FDFT1: variants seen among roughly 807,000 people sequenced by gnomAD.
FDFT1 encodes farnesyl-diphosphate farnesyltransferase 1.
In FDFT1, 68 loss-of-function variants were observed where a neutral mutation model predicts 46.8. The observed-to-expected ratio is 1.45, with a 90% CI of 1.19 to 1.78. The LOEUF (loss-of-function observed/expected upper bound fraction) is 1.78, where lower values mean the gene tolerates loss of function less well. Among genes scored for constraint, FDFT1 ranks in the 40% most tolerant of loss-of-function variants. FDFT1 has a pLI of 0.00. For missense variants in FDFT1, 928 were observed against 524.4 expected, an observed-to-expected ratio of 1.77 and a Z score of -7.52; for synonymous variants, 351 against 185.1, an observed-to-expected ratio of 1.90 and a Z score of -7.28.
At chr8:11,808,378 G>A in intron 1 of FDFT1, 2 of 1,235,474 alleles carry the variant, frequency 1.6e-6, no homozygotes, top group Non-Finnish European at 2.0e-6. Flanking sequence ...GGGCGGGGCT[G>A]CGGGGCTGCG....
At chr8:11,812,607 G>T (rs1413118119) in intron 3 of FDFT1, among the ~76,000 whole-genome samples, 1 of 152,180 alleles carries the variant, frequency 6.6e-6, no homozygotes, top group Non-Finnish European at 1.5e-5. Context: ...GTTTGTCAGT[G>T]CAGGAGGATA....
At chr8:11,812,886 G>A (rs114153429) in intron 3 of FDFT1, among the ~76,000 whole-genome samples, 1,779 of 152,330 alleles carry the variant, frequency 0.012, 44 homozygotes, top group African/African-American at 0.04. Context: ...TTAGAGTACA[G>A]TCATGCATCA....
chr8:11,799,808 T>C (rs1045707066), upstream of FDFT1, among the ~76,000 whole-genome samples: 2 of 151,906 alleles, frequency 1.3e-5, no homozygotes, highest in South Asian at 4.1e-4. Flanking sequence ...TAGCTGGCCG[T>C]GGTGGTACAT....
chr8:11,809,364 C>G (rs762130722), intron 2 of FDFT1: 1 of 1,128,582 alleles, frequency 8.9e-7, no homozygotes, highest in Non-Finnish European at 1.1e-6. Context: ...CATATTAGTT[C>G]GGTCTAAACG....
At chr8:11,805,596 TA>T (rs1330199253) in intron 1 of FDFT1, among the ~76,000 whole-genome samples, 2 of 152,216 alleles carry the variant, frequency 1.3e-5, no homozygotes, top group Non-Finnish European at 2.9e-5. Flanking sequence ...AATAGGGATG[TA>T]TGTATGGTAA....
At chr8:11,797,686 G>T (rs374216258), upstream of FDFT1, among the ~76,000 whole-genome samples, 2 of 151,840 alleles carry the variant, frequency 1.3e-5, no homozygotes, top group Admixed American at 1.3e-4. Flanking sequence ...AACGGTGGGG[G>T]AGGGGAACAG....
chr8:11,798,616 C>G (rs903645089), upstream of FDFT1, among the ~76,000 whole-genome samples: 2 of 152,194 alleles, frequency 1.3e-5, no homozygotes, highest in Non-Finnish European at 1.5e-5. Context: ...GCTGTTAACG[C>G]TATCCACAGG....
intron 1 of FDFT1, among the ~76,000 whole-genome samples, chr8:11,796,603 C>T (rs1303432838): frequency 6.6e-6 from 1 of 152,180 alleles, no homozygotes; most frequent in East Asian, 1.9e-4. Flanking sequence ...TGCAGCAGTG[C>T]TCTGATTGGA....
chr8:11,806,042 G>T (rs1462658421), intron 1 of FDFT1, among the ~76,000 whole-genome samples: 1 of 152,150 alleles, frequency 6.6e-6, no homozygotes, highest in Non-Finnish European at 1.5e-5. Flanking sequence ...CCCTCCTGGA[G>T]AAATCTATTC....
At chr8:11,818,073 T>C (rs189503869) in intron 3 of FDFT1, among the ~76,000 whole-genome samples, 68 of 152,342 alleles carry the variant, frequency 4.5e-4, no homozygotes, top group African/African-American at 1.6e-3. Flanking sequence ...TTTGTTCTCA[T>C]TGGTTTCAAA....
chr8:11,795,610 C>A (rs996083005), exon 1 of FDFT1: 4 of 149,856 alleles, frequency 2.7e-5, no homozygotes, highest in African/African-American at 9.8e-5. Context: ...CTTTACAACG[C>A]TTGGGAAGCT....
At chr8:11,799,137 T>A (rs1433906867), upstream of FDFT1, among the ~76,000 whole-genome samples, 1 of 152,236 alleles carries the variant, frequency 6.6e-6, no homozygotes, top group Admixed American at 6.5e-5. Flanking sequence ...GTGAATGCAT[T>A]ACAATTACAC....
intron 3 of FDFT1, among the ~76,000 whole-genome samples, chr8:11,813,186 G>T (rs1743886741): frequency 6.6e-6 from 1 of 152,164 alleles, no homozygotes. Context: ...TGTATTTCCA[G>T]TCTCCGTTGA....
chr8:11,815,241 T>G (rs1324466106), intron 3 of FDFT1, among the ~76,000 whole-genome samples: 1 of 152,232 alleles, frequency 6.6e-6, no homozygotes, highest in East Asian at 1.9e-4. Flanking sequence ...GGTGTATATG[T>G]GCCACATTTT....
chr8:11,808,449 C>G (rs1382104697), intron 1 of FDFT1: 8 of 1,271,186 alleles, frequency 6.3e-6, no homozygotes, highest in East Asian at 6.3e-5. Context: ...CCCGTCCCGC[C>G]CCTCGTCGGG....
intron 7 of FDFT1, among the ~76,000 whole-genome samples, chr8:11,833,394 C>T (rs1189362125): frequency 1.3e-5 from 2 of 152,160 alleles, no homozygotes; most frequent in Non-Finnish European, 2.9e-5. Context: ...TAAATGGAAT[C>T]CTGCTATATT....
chr8:11,825,010 C>T lies in FDFT1; in HGVS notation c.511-1014C>T, dbSNP rs535407236. 9.1e-4 allele frequency among the ~76,000 whole-genome samples: 139 copies of T among 152,170 alleles called. 1 individual carries two copies. Among genetic ancestry groups the T allele is most frequent in the African/African-American group, 2.6e-3 (110 of 41,524 alleles). ...TCAGCTTCCCAAAGTGCTGGGATTA[C>T]AGGCATGAGCCATCGTGCCCGGCTG... On this transcript the variant is annotated intron_variant, in intron 4 of 7. Transcript: ENST00000220584.
At chr8:11,823,599 G>A (rs1809556141) in intron 4 of FDFT1, among the ~76,000 whole-genome samples, 1 of 151,508 alleles carries the variant, frequency 6.6e-6, no homozygotes, top group African/African-American at 2.4e-5. Flanking sequence ...TTTTGAGACA[G>A]GGTCTCACTC....
chr8:11,828,848 C>T (rs1253545479), intron 5 of FDFT1, among the ~76,000 whole-genome samples: 1 of 152,212 alleles, frequency 6.6e-6, no homozygotes, highest in Non-Finnish European at 1.5e-5. Flanking sequence ...TGCTTTATTC[C>T]TTTTTATCGC....
Sources: gnomAD v4.1 joint callset for allele counts (sites outside exome capture counted in the v4.1 genomes callset) on GRCh38, gnomAD v4.1.1 for gene constraint, MANE v1.5 for transcripts, NCBI Gene and HGNC (gene_info 2026-07-23, HGNC 2026-07-21) for gene names.